The following EVA1A variants were observed in gnomAD, a reference collection of about 807,000 sequenced individuals.
EVA1A encodes protein eva-1 homolog A.
EVA1A carries 7 observed loss-of-function variants against 9.8 expected under a neutral mutation model. That is an observed-to-expected ratio of 0.71 (90% CI 0.41 to 1.34). The LOEUF is 1.34. EVA1A is among the 40% of genes most tolerant of loss of function. The pLI is 0.01. For missense variants in EVA1A, 206 were observed against 205.9 expected (o/e 1.00, Z 0.00); for synonymous variants, 90 against 85.6 (o/e 1.05, Z -0.28).
chr2:75,528,514 T>C (rs895422832), intron 1 of EVA1A, among the ~76,000 whole-genome samples: 8 of 152,160 alleles, frequency 5.3e-5, no homozygotes, highest in African/African-American at 1.9e-4. Context: ...CCGACTTCCC[T>C]GGCAATCTGT....
intron 1 of EVA1A, among the ~76,000 whole-genome samples, chr2:75,551,764 G>C (rs34644221): frequency 6.6e-6 from 1 of 152,050 alleles, no homozygotes; most frequent in Non-Finnish European, 1.5e-5. Context: ...ATTAATACAC[G>C]TAAAGTGTTT....
chr2:75,493,243 T>C lies in EVA1A; in HGVS notation c.452A>G (p.Tyr151Cys), dbSNP rs769457382. The C allele has an allele frequency of 1.2e-6, 2 of 1,611,048 alleles. No homozygotes were observed. The highest frequency in any genetic ancestry group is 1.3e-5 in the African/African-American group (1 of 74,898). Residue 151 changes from tyrosine (Y) to cysteine (C), a missense_variant, in exon 4 of 4, where the codon TAC (tyrosine) becomes TGC (cysteine). By Grantham distance (194) the Tyr-to-Cys change is radical. Coordinates refer to ENST00000393913, the MANE Select transcript of EVA1A (RefSeq NM_001135032.2). The stretch of plus-strand genomic sequence containing the variant: ...CCGGGGTCCTGCTGCTCCCTAATAG[T>C]AGCGATTCAGGCTCCTGGTCCCGGG... The part of the protein sequence containing the change: ...EVPGTRSLNR[Y>C]Y
intron 3 of EVA1A, among the ~76,000 whole-genome samples, chr2:75,515,020 T>G (rs2103834749): frequency 6.6e-6 from 1 of 152,362 alleles, no homozygotes; most frequent in South Asian, 2.1e-4. Flanking sequence ...AATAAAAATG[T>G]TAATCGCATT....
intron 3 of EVA1A, 61 bp downstream of exon 3, chr2:75,517,995 G>A (rs1675074562): frequency 6.2e-7 from 1 of 1,600,658 alleles, no homozygotes; most frequent in Admixed American, 1.7e-5. Context: ...GGCCACCCAG[G>A]AGACAACCTT....
chr2:75,526,770 G>T (rs559978025), intron 1 of EVA1A, among the ~76,000 whole-genome samples: 49 of 152,328 alleles, frequency 3.2e-4, no homozygotes, highest in Admixed American at 3.2e-3. Context: ...ATTGCATTTT[G>T]GTGGATCTGC....
chr2:75,544,161 T>C (rs1446237249), intron 1 of EVA1A, among the ~76,000 whole-genome samples: 1 of 152,166 alleles, frequency 6.6e-6, no homozygotes, highest in Non-Finnish European at 1.5e-5. Context: ...AAAGCTGTAG[T>C]TCCAAAAAGA....
At chr2:75,529,123 C>T (rs1675557069) in intron 1 of EVA1A, among the ~76,000 whole-genome samples, 1 of 152,192 alleles carries the variant, frequency 6.6e-6, no homozygotes, top group Non-Finnish European at 1.5e-5. Context: ...AGATAGATCG[C>T]ATCAAAGGAC....
intron 1 of EVA1A, chr2:75,541,779 C>T (rs1676133660): frequency 6.6e-6 from 1 of 152,518 alleles, no homozygotes; most frequent in Non-Finnish European, 1.5e-5. Context: ...CAGGCTCAAA[C>T]CTGAGGATCA....
intron 3 of EVA1A, among the ~76,000 whole-genome samples, chr2:75,516,925 G>C (rs991492109): frequency 4.6e-5 from 7 of 152,186 alleles, no homozygotes; most frequent in African/African-American, 1.7e-4. Context: ...TGAGTGCCTG[G>C]AGAAGGAGGC....
chr2:75,564,758 C>G (rs573764026), upstream of EVA1A, among the ~76,000 whole-genome samples: 4 of 152,240 alleles, frequency 2.6e-5, no homozygotes, highest in Non-Finnish European at 4.4e-5. Context: ...CCTATTGCTT[C>G]TGCTTCCAAA....
chr2:75,493,499 G>A lies in EVA1A; in HGVS notation c.196C>T (p.Arg66Cys), dbSNP rs547549349. Residue 66 changes from arginine (R) to cysteine (C), a missense_variant, in exon 4 of 4, where the codon CGT (arginine) becomes TGT (cysteine). Coordinates refer to ENST00000393913, the MANE Select transcript of EVA1A (RefSeq NM_001135032.2). ...TCCTGCAGGAACTTCTTCCCGGGAC[G>A]CCGCCTGCAGTCTGTGTGGCAAGAG... is the stretch of plus-strand genomic sequence containing the variant. ...RISCHTDCRR[R>C]PGKKFLQDRE... The A allele has an allele frequency of 2.6e-5, 42 of 1,614,164 alleles. No individual in the cohort carries two copies. The highest frequency in any genetic ancestry group is 2.4e-4 in the South Asian group (22 of 91,084).
intron 1 of EVA1A, among the ~76,000 whole-genome samples, chr2:75,534,215 G>T (rs1204896414): frequency 2.6e-5 from 4 of 151,880 alleles, no homozygotes; most frequent in Admixed American, 2.0e-4. Context: ...CTCCAGCTTG[G>T]GCAACAGAGA....
rs1424182214 is a variant in EVA1A, at chr2:75,493,393, C to G, written c.302G>C (p.Arg101Pro). Residue 101 changes from arginine (R) to proline (P), a missense_variant, in exon 4 of 4, where the codon CGC (arginine) becomes CCC (proline). Arg to Pro is a moderately radical substitution (Grantham distance 103). Coordinates refer to ENST00000393913, the MANE Select transcript of EVA1A (RefSeq NM_001135032.2). ...CTTGTTCAAAGTCCTCTCGAAGCGG[C>G]GGTGTCTCCGCACGGAGAGATCGGA... Reference protein sequence around the residue: ...TVSDLSVRRHRRFERTLNKNV... With the variant: ...TVSDLSVRRHPRFERTLNKNV... The G allele has an allele frequency of 1.2e-6, 2 of 1,614,250 alleles. No homozygotes were observed. The highest frequency in any genetic ancestry group is 4.5e-5 in the East Asian group (2 of 44,882).
chr2:75,561,431 G>A (rs1676919721), upstream of EVA1A: 1 of 150,544 alleles, frequency 6.6e-6, no homozygotes, highest in Admixed American at 6.6e-5. Flanking sequence ...AATCTCGAAG[G>A]AATGTTCATT....
intron 3 of EVA1A, among the ~76,000 whole-genome samples, chr2:75,505,696 C>T (rs1052746799): frequency 6.6e-6 from 1 of 151,976 alleles, no homozygotes; most frequent in African/African-American, 2.4e-5. Context: ...CGTCTGTAAT[C>T]CCAGCTACTC....
intron 3 of EVA1A, among the ~76,000 whole-genome samples, chr2:75,494,881 C>T (rs1674152220): frequency 6.6e-6 from 1 of 152,170 alleles, no homozygotes; most frequent in African/African-American, 2.4e-5. Flanking sequence ...GAAATTAGAG[C>T]TCTTTCCTTG....
chr2:75,518,187 T>G lies in EVA1A; in HGVS notation c.-47A>C, dbSNP rs775115947. ...CTGGAGGTGCTTGGCTGAATCAACG[T>G]GGCCACTCTCCTTCTTCTCTTCTGT... On this transcript the variant is annotated 5_prime_UTR_variant, in exon 3 of 4. Coordinates refer to ENST00000393913, the MANE Select transcript of EVA1A (RefSeq NM_001135032.2). 35 of 1,604,434 alleles carry G rather than the reference T, an allele frequency of 2.2e-5. No homozygotes were observed. Among genetic ancestry groups the G allele is most frequent in the Non-Finnish European group, 3.0e-5 (35 of 1,176,500 alleles).
chr2:75,565,656 C>A (rs182737707), upstream of EVA1A, among the ~76,000 whole-genome samples: 2 of 152,310 alleles, frequency 1.3e-5, no homozygotes, highest in East Asian at 3.9e-4. Flanking sequence ...AGCCTTCAAA[C>A]TTCCAGCTCT....
At chr2:75,555,336 T>TC (rs1553421963) in intron 1 of EVA1A, among the ~76,000 whole-genome samples, 2 of 102,744 alleles carry the variant, frequency 1.9e-5, no homozygotes, top group Non-Finnish European at 4.4e-5. Context: ...TCTCTCTCTC[T>TC]CCCCCATCTC....
Sources: allele counts gnomAD v4.1 joint callset (sites outside exome capture counted in the v4.1 genomes callset), GRCh38; gene constraint gnomAD v4.1.1; transcripts MANE v1.5; gene names NCBI Gene and HGNC (gene_info 2026-07-23, HGNC 2026-07-21).